Variants in SORCS3 observed in about 807,000 individuals in gnomAD.
SORCS3 encodes the protein sortilin related VPS10 domain containing receptor 3.
A neutral mutation model predicts 146.3 loss-of-function variants in SORCS3; 57 were observed. That is an observed-to-expected ratio of 0.39 (90% CI 0.31 to 0.49). SORCS3 has a LOEUF of 0.49. Among genes scored for constraint, SORCS3 ranks in the 20% least tolerant of loss-of-function variants. SORCS3 has a pLI of 0.92. For synonymous variants in SORCS3, 653 were observed against 618.5 expected, an observed-to-expected ratio of 1.06 and a Z score of -0.83; for missense variants, 1,341 against 1,575.5, an observed-to-expected ratio of 0.85 and a Z score of 2.52.
At chr10:105,054,013 G>A (rs1195769264) in intron 5 of SORCS3, among the ~76,000 whole-genome samples, 3 of 151,962 alleles carry the variant, frequency 2.0e-5, no homozygotes, top group African/African-American at 7.2e-5. Flanking sequence ...ATTTAAAGAA[G>A]TAGTCCATTT....
At chr10:104,820,867 T>G (rs1056795609) in intron 1 of SORCS3, among the ~76,000 whole-genome samples, 1 of 152,202 alleles carries the variant, frequency 6.6e-6, no homozygotes, top group Admixed American at 6.5e-5. Flanking sequence ...CAACAGAATC[T>G]GTCTTGAGAA....
chr10:104,899,554 GCT>G lies in SORCS3; in HGVS notation c.696-16275_696-16274del, dbSNP rs143339826. On this transcript the variant is annotated intron_variant, in intron 2 of 26. Transcript: ENST00000369701. ...AAGCTGCACCTAACTTTTCTGTTAT[GCT>G]CTCACACCTTGGATGAATTGCATGG... Among the ~76,000 whole-genome samples the G allele has an allele frequency of 7.4e-4, 113 of 152,256 alleles. 1 individual carries two copies. The highest frequency in any genetic ancestry group is 1.5e-3 in the Admixed American group (23 of 15,290).
At chr10:104,927,363 A>T (rs1309640370) in intron 3 of SORCS3, among the ~76,000 whole-genome samples, 1 of 152,204 alleles carries the variant, frequency 6.6e-6, no homozygotes, top group Non-Finnish European at 1.5e-5. Context: ...ATTTGAGGTT[A>T]AATGGCAGCC....
At chr10:105,148,337 C>T (rs2056146649) in intron 9 of SORCS3, among the ~76,000 whole-genome samples, 1 of 152,012 alleles carries the variant, frequency 6.6e-6, no homozygotes, top group South Asian at 2.1e-4. Flanking sequence ...AAGTGTGTCA[C>T]TTATATTAAG....
At chr10:104,976,707 A>T (rs1197429105) in intron 3 of SORCS3, among the ~76,000 whole-genome samples, 2 of 152,234 alleles carry the variant, frequency 1.3e-5, no homozygotes, top group African/African-American at 4.8e-5. Flanking sequence ...TGGCACATAT[A>T]CACCATGGAA....
chr10:105,003,423 C>T lies in SORCS3; in HGVS notation c.954+25930C>T, dbSNP rs55907325. On this transcript the variant is annotated intron_variant, in intron 4 of 26. Coordinates refer to ENST00000369701, the MANE Select transcript of SORCS3 (RefSeq NM_014978.3). Reference sequence around the variant, plus strand: ...TAGATGTGTCACTGCCCTTCTCTGCCTCAGTTTCCTCATCTGTAATATGGG... The same window carrying T: ...TAGATGTGTCACTGCCCTTCTCTGCTTCAGTTTCCTCATCTGTAATATGGG... Among the ~76,000 whole-genome samples the T allele has an allele frequency of 4.3e-3, 659 of 152,208 alleles. 6 individuals are homozygous for T. Among genetic ancestry groups the T allele is most frequent in the African/African-American group, 0.015 (606 of 41,542 alleles).
At chr10:104,642,329 G>A (rs1300850850) in intron 1 of SORCS3, among the ~76,000 whole-genome samples, 2 of 152,082 alleles carry the variant, frequency 1.3e-5, no homozygotes, top group African/African-American at 2.4e-5. Flanking sequence ...GACTTGGGGC[G>A]GGAGCCGCTG....
At chr10:104,985,323 T>C (rs2054955868) in intron 4 of SORCS3, among the ~76,000 whole-genome samples, 1 of 152,202 alleles carries the variant, frequency 6.6e-6, no homozygotes, top group Admixed American at 6.5e-5. Context: ...AGCAACTCCT[T>C]ATCTGTTCAA....
chr10:104,750,265 C>A (rs916782209), intron 1 of SORCS3, among the ~76,000 whole-genome samples: 4 of 152,068 alleles, frequency 2.6e-5, no homozygotes, highest in African/African-American at 9.7e-5. Context: ...AATCTTACTG[C>A]TTTCGTAAGG....
intron 1 of SORCS3, among the ~76,000 whole-genome samples, chr10:104,742,334 C>G (rs2016858062): frequency 6.6e-6 from 1 of 152,156 alleles, no homozygotes; most frequent in Non-Finnish European, 1.5e-5. Flanking sequence ...GGTGACAAGT[C>G]ATAACCTTAG....
At chr10:105,151,941 G>T (rs192782761) in intron 9 of SORCS3, among the ~76,000 whole-genome samples, 5 of 152,062 alleles carry the variant, frequency 3.3e-5, no homozygotes, top group Non-Finnish European at 7.4e-5. Flanking sequence ...TCAAAACAAG[G>T]CTGGTATTGA....
chr10:104,779,084 A>C (rs1007117341), intron 1 of SORCS3, among the ~76,000 whole-genome samples: 2 of 152,166 alleles, frequency 1.3e-5, no homozygotes, highest in Non-Finnish European at 2.9e-5. Context: ...GGGTGGCACA[A>C]GGAAGGAATC....
chr10:105,083,365 A>C (rs2055638260), intron 5 of SORCS3, among the ~76,000 whole-genome samples: 1 of 152,080 alleles, frequency 6.6e-6, no homozygotes, highest in African/African-American at 2.4e-5. Flanking sequence ...CTAGTTCTGC[A>C]CTGAATACTG....
chr10:105,094,003 TTAA>T lies in SORCS3; in HGVS notation c.1093+4168_1093+4170del, dbSNP rs377232450. ...AAATATCTTTGAATGAGTGAATGTATTAATAAGCTGTGGCACATCTACAACATA... is the reference window on the plus strand; with the variant it reads ...AAATATCTTTGAATGAGTGAATGTATTAAGCTGTGGCACATCTACAACATA... On this transcript the variant is annotated intron_variant, in intron 6 of 26. Transcript: ENST00000369701. 5.4e-4 allele frequency among the ~76,000 whole-genome samples: 82 copies of T among 152,346 alleles called. No individual in the cohort carries two copies. In the South Asian group the frequency reaches 0.014, roughly 27 times the overall value.
At chr10:104,863,723 A>G (rs2491379) in intron 2 of SORCS3, among the ~76,000 whole-genome samples, 127,746 of 152,204 alleles carry the variant, frequency 0.84, 54,066 homozygotes, top group East Asian at 0.98. Flanking sequence ...ATGGACACTT[A>G]GTTGTTGGTA....
At chr10:105,164,427 C>A in intron 12 of SORCS3, 48 bp downstream of exon 12, 1 of 1,227,008 alleles carries the variant, frequency 8.1e-7, no homozygotes, top group East Asian at 2.3e-5. Flanking sequence ...AGAGTAAGTT[C>A]TACCAATCTC....
At chr10:104,919,162 C>A (rs1048819398) in intron 3 of SORCS3, among the ~76,000 whole-genome samples, 1 of 152,164 alleles carries the variant, frequency 6.6e-6, no homozygotes, top group Non-Finnish European at 1.5e-5. Flanking sequence ...TGGTGACATT[C>A]AGGCAGTGGG....
intron 2 of SORCS3, among the ~76,000 whole-genome samples, chr10:104,895,535 C>T (rs1311291092): frequency 6.6e-6 from 1 of 152,180 alleles, no homozygotes; most frequent in African/African-American, 2.4e-5. Flanking sequence ...TGTCCAGAAA[C>T]TGACTGCTCC....
intron 1 of SORCS3, among the ~76,000 whole-genome samples, chr10:104,767,789 C>G (rs2017198855): frequency 6.8e-6 from 1 of 147,644 alleles, no homozygotes; most frequent in Non-Finnish European, 1.5e-5. Context: ...CCTTCCCTCC[C>G]TTTTCCCTTC....
Sources: allele counts gnomAD v4.1 joint callset (sites outside exome capture counted in the v4.1 genomes callset), GRCh38; gene constraint gnomAD v4.1.1; transcripts MANE v1.5; gene names NCBI Gene and HGNC (gene_info 2026-07-23, HGNC 2026-07-21).